The following SLC45A2 variants were observed in gnomAD, a reference collection of about 807,000 sequenced individuals.
The protein encoded by SLC45A2 is solute carrier family 45 member 2.
A neutral mutation model predicts 45.5 loss-of-function variants in SLC45A2; 36 were observed. That is an observed-to-expected ratio of 0.79 (90% CI 0.61 to 1.04). The LOEUF (loss-of-function observed/expected upper bound fraction) is 1.04. Among genes scored for constraint, SLC45A2 ranks in the 50% least tolerant of loss-of-function variants. SLC45A2 has a pLI of 0.00. For missense variants in SLC45A2, 719 were observed against 671.0 expected, an observed-to-expected ratio of 1.07 and a Z score of -0.79; for synonymous variants, 306 against 269.3, an observed-to-expected ratio of 1.14 and a Z score of -1.33.
intron 2 of SLC45A2, chr5:33,971,231 A>C (rs545138876): frequency 3.8e-6 from 2 of 531,618 alleles, no homozygotes; most frequent in East Asian, 1.1e-4. Flanking sequence ...AACATGTCTC[A>C]TGAGGATCCT....
intron 3 of SLC45A2, among the ~76,000 whole-genome samples, chr5:33,962,383 GTATGCTT>G (rs1462855294): frequency 6.6e-6 from 1 of 152,182 alleles, no homozygotes; most frequent in African/African-American, 2.4e-5. Flanking sequence ...AAGTGTCTTT[GTATGCTT>G]TATCTTAGTT....
rs773295359 is a variant in SLC45A2, at chr5:33,984,244, G to T, written c.340C>A (p.Leu114Ile). The T allele has an allele frequency of 4.3e-6, 7 of 1,614,146 alleles. No individual in the cohort carries two copies. In the South Asian group the frequency reaches 7.7e-5, roughly 18 times the overall value. Reference protein sequence around the residue: ...PYILTLGVMMLVGMALYLNGA... With the variant: ...PYILTLGVMMIVGMALYLNGA... ...TTGAGGTACAGAGCCATGCCCACGA[G>T]CATCATGACTCCCAGGGTGAGGATG... is the stretch of plus-strand genomic sequence containing the variant. Residue 114 changes from leucine (L) to isoleucine (I), a missense_variant, in exon 1 of 7, where the codon CTC becomes ATC. Transcript: ENST00000296589.
intron 2 of SLC45A2, among the ~76,000 whole-genome samples, chr5:33,969,693 A>G (rs1191442726): frequency 6.6e-6 from 1 of 152,178 alleles, no homozygotes; most frequent in Non-Finnish European, 1.5e-5. Flanking sequence ...GGGTGCACAC[A>G]TATTGGTAAA....
chr5:33,947,969 G>T (rs1479287901), intron 5 of SLC45A2, among the ~76,000 whole-genome samples: 2 of 152,104 alleles, frequency 1.3e-5, no homozygotes, highest in African/African-American at 2.4e-5. Flanking sequence ...CTGGTAAGGG[G>T]CTCCCACAGC....
chr5:33,976,102 C>T (rs1752922509), intron 2 of SLC45A2, among the ~76,000 whole-genome samples: 1 of 152,236 alleles, frequency 6.6e-6, no homozygotes. Flanking sequence ...AAACATCTGC[C>T]TTGAAGCCAC....
chr5:33,952,439 A>C (rs992456093), intron 4 of SLC45A2, among the ~76,000 whole-genome samples: 2 of 151,230 alleles, frequency 1.3e-5, no homozygotes. Context: ...ACACTCAATT[A>C]TGAGTGATGC....
chr5:33,973,867 G>A (rs1752852546), intron 2 of SLC45A2, among the ~76,000 whole-genome samples: 2 of 48,036 alleles, frequency 4.2e-5, no homozygotes, highest in African/African-American at 8.4e-5. Flanking sequence ...ACCCTTGCAA[G>A]GTGGTTATTA....
At chr5:33,969,065 C>CTCTCTCTCTCTCTCTCTCTCTCTCTCTG in intron 2 of SLC45A2, among the ~76,000 whole-genome samples, 16 of 102,458 alleles carry the variant, frequency 1.6e-4, no homozygotes, top group Non-Finnish European at 2.2e-4. Flanking sequence ...CTCTCTCTCT[C>CTCTCTCTCTCTCTCTCTCTCTCTCTCTG]TGTGTGTGTG....
intron 6 of SLC45A2, chr5:33,946,653 G>A (rs548114308): frequency 9.8e-7 from 1 of 1,019,054 alleles, no homozygotes; most frequent in African/African-American, 1.7e-5. Context: ...CTCACACATG[G>A]GGTCTGACTT....
chr5:33,958,763 T>C (rs776585296), intron 3 of SLC45A2, among the ~76,000 whole-genome samples: 29 of 152,168 alleles, frequency 1.9e-4, no homozygotes, highest in Admixed American at 7.2e-4. Flanking sequence ...AAGTTCGTTG[T>C]ATCTGTTGTA....
rs377274705 is a variant in SLC45A2, at chr5:33,963,729, C to T, written c.850G>A (p.Ala284Thr). The change falls in exon 3 of 7, where the codon GCA becomes ACA. Residue 284 changes from alanine to threonine, a missense_variant. Coordinates refer to ENST00000296589, the MANE Select transcript of SLC45A2 (RefSeq NM_016180.5). ...VKNGYVNPEL[A>T]MQGAKNKNHA... ...TTTTTGTTTTTTGCTCCCTGCATTG[C>T]CAGCTCTGGATTTACGTAACCATTT... The T allele has an allele frequency of 1.9e-5, 30 of 1,614,056 alleles. No homozygotes were observed. Among genetic ancestry groups the T allele is most frequent in the Non-Finnish European group, 2.4e-5 (28 of 1,180,008 alleles).
intron 2 of SLC45A2, among the ~76,000 whole-genome samples, chr5:33,966,669 T>A (rs1752614491): frequency 1.3e-5 from 2 of 151,724 alleles, no homozygotes; most frequent in African/African-American, 2.4e-5. Flanking sequence ...TACAGAGGAG[T>A]TTCAAAGAGT....
chr5:33,968,520 C>T (rs1007406145), intron 2 of SLC45A2, among the ~76,000 whole-genome samples: 11 of 152,206 alleles, frequency 7.2e-5, no homozygotes, highest in African/African-American at 2.7e-4. Context: ...TGTTGTCAAA[C>T]TCAGCAGAAT....
intron 5 of SLC45A2, among the ~76,000 whole-genome samples, chr5:33,949,534 G>A (rs1171560405): frequency 6.6e-6 from 1 of 152,142 alleles, no homozygotes; most frequent in African/African-American, 2.4e-5. Flanking sequence ...GAGTGAAAAA[G>A]GGCAAAGTAT....
rs3836799 is a variant in SLC45A2 at position 33,974,452 on chromosome 5, C to CA, written c.562+7783dup. Reference sequence around the variant, plus strand: ...CTGGAACAGAACCACAGCAGTGAAACAAAAAAAAAAAAAGAATTTCAGTTT... The same window carrying CA: ...CTGGAACAGAACCACAGCAGTGAAACAAAAAAAAAAAAAAGAATTTCAGTTT... On this transcript the variant is annotated intron_variant, in intron 2 of 6. Coordinates refer to ENST00000296589, the MANE Select transcript of SLC45A2 (RefSeq NM_016180.5). 4.3e-3 allele frequency among the ~76,000 whole-genome samples: 572 copies of CA among 132,278 alleles called. 2 individuals are homozygous for CA. Among genetic ancestry groups the CA allele is most frequent in the African/African-American group, 8.3e-3 (313 of 37,590 alleles). 86.8% of individuals were successfully genotyped at this position (132,278 alleles called of 152,430 possible).
intron 3 of SLC45A2, among the ~76,000 whole-genome samples, chr5:33,962,135 C>T (rs1752473852): frequency 6.6e-6 from 1 of 152,140 alleles, no homozygotes; most frequent in Non-Finnish European, 1.5e-5. Context: ...TTTAAAAGAT[C>T]TGAACTGATA....
chr5:33,946,166 C>A, intron 6 of SLC45A2: 1 of 985,458 alleles, frequency 1.0e-6, no homozygotes, highest in South Asian at 4.7e-5. Context: ...CACCATGTAA[C>A]ACTCTCCTTG....
At chr5:33,955,931 G>A (rs1752260884) in intron 3 of SLC45A2, among the ~76,000 whole-genome samples, 1 of 152,048 alleles carries the variant, frequency 6.6e-6, no homozygotes, top group African/African-American at 2.4e-5. Context: ...GTGAAACACT[G>A]ATTTTTTTTT....
At chr5:33,968,990 C>T (rs957011475) in intron 2 of SLC45A2, among the ~76,000 whole-genome samples, 1 of 150,516 alleles carries the variant, frequency 6.6e-6, no homozygotes, top group Admixed American at 6.7e-5. Context: ...ATGCTTCCTA[C>T]TTATTCCCAC....
Sources: gnomAD v4.1 joint callset for allele counts (sites outside exome capture counted in the v4.1 genomes callset) on GRCh38, gnomAD v4.1.1 for gene constraint, MANE v1.5 for transcripts, NCBI Gene and HGNC (gene_info 2026-07-23, HGNC 2026-07-21) for gene names.